Variants in LINGO2 observed in about 807,000 individuals in gnomAD.
The protein encoded by LINGO2 is leucine-rich repeat and immunoglobulin-like domain-containing nogo receptor-interacting protein 2.
LINGO2 carries 14 observed loss-of-function variants against 30.6 expected under a neutral mutation model. The observed-to-expected ratio is 0.46, with a 90% CI of 0.30 to 0.72. LINGO2 has a LOEUF of 0.72. LINGO2 is among the 30% of genes least tolerant of loss of function. The pLI is 0.07. For synonymous variants in LINGO2, 317 were observed against 288.5 expected (o/e 1.10, Z -1.00); for missense variants, 729 against 751.7 (o/e 0.97, Z 0.35).
chr9:28,430,982 A>G (rs1823646347), intron 2 of LINGO2, among the ~76,000 whole-genome samples: 1 of 148,488 alleles, frequency 6.7e-6, no homozygotes. Flanking sequence ...GGACCTCTCC[A>G]TTGAGCTTCT....
At chr9:28,097,747 A>G (rs1243399310) in intron 4 of LINGO2, among the ~76,000 whole-genome samples, 15 of 151,144 alleles carry the variant, frequency 9.9e-5, no homozygotes, top group South Asian at 2.1e-4. Context: ...ATGACGAGTT[A>G]ATGGGTGCAG....
In LINGO2 at chr9:28,224,088, G is replaced by A. The variant is rs535066429; in HGVS notation, c.-87+71120C>T. ...AGGCAGAATTTTTTTTTTCTGAGACGGAGTCTCACTCTGTAGCCCAGGCTG... is the reference window on the plus strand; with the variant it reads ...AGGCAGAATTTTTTTTTTCTGAGACAGAGTCTCACTCTGTAGCCCAGGCTG... On this transcript the variant is annotated intron_variant, in intron 4 of 5. Coordinates refer to ENST00000379992, the Ensembl canonical transcript of LINGO2. 5.9e-5 allele frequency among the ~76,000 whole-genome samples: 9 copies of A among 152,024 alleles called. No homozygotes were observed. In the East Asian group the frequency reaches 7.7e-4, roughly 13 times the overall value.
At chr9:27,975,799 T>C (rs965238953) in intron 5 of LINGO2, among the ~76,000 whole-genome samples, 1 of 152,192 alleles carries the variant, frequency 6.6e-6, no homozygotes, top group African/African-American at 2.4e-5. Flanking sequence ...AAATTCATTA[T>C]AGGTGAAATC....
At chr9:28,357,566 T>C (rs1024927739) in intron 3 of LINGO2, among the ~76,000 whole-genome samples, 5 of 152,096 alleles carry the variant, frequency 3.3e-5, no homozygotes, top group Admixed American at 1.3e-4. Flanking sequence ...ACTATAACCA[T>C]ATAGTATAAG....
At chr9:28,027,460 CA>C (rs139994617) in intron 4 of LINGO2, among the ~76,000 whole-genome samples, 8 of 151,968 alleles carry the variant, frequency 5.3e-5, no homozygotes, top group Non-Finnish European at 1.0e-4. Flanking sequence ...CACATAATCA[CA>C]AAAAAATTAT....
At position 28,561,782 on chromosome 9, in the gene LINGO2, A is replaced by ATATATAT. The variant is rs1563826654; in HGVS notation, c.-364-85758_-364-85757insATATATA. On this transcript the variant is annotated intron_variant, in intron 1 of 5. Coordinates refer to ENST00000379992, the Ensembl canonical transcript of LINGO2. Reference sequence around the variant, plus strand: ...ATATATATATATATATATATATATAAAAAATATGCTACTAGAACTGAAAAA... The same window carrying ATATATAT: ...ATATATATATATATATATATATATAATATATATAAAATATGCTACTAGAACTGAAAAA... 6.2e-4 allele frequency among the ~76,000 whole-genome samples: 46 copies of ATATATAT among 73,604 alleles called. 7 individuals carry two copies. The highest frequency in any genetic ancestry group is 7.2e-4 in the African/African-American group (10 of 13,900). 48.3% of individuals were successfully genotyped at this position (73,604 alleles called of 152,430 possible).
At chr9:28,377,412 T>A (rs182522466) in intron 2 of LINGO2, among the ~76,000 whole-genome samples, 1 of 152,328 alleles carries the variant, frequency 6.6e-6, no homozygotes, top group Admixed American at 6.5e-5. Flanking sequence ...AAATACAGCA[T>A]ACAATACATA....
intron 4 of LINGO2, among the ~76,000 whole-genome samples, chr9:28,241,010 C>T (rs56224172): frequency 0.012 from 1,869 of 152,140 alleles, 13 homozygotes; most frequent in Middle Eastern, 0.031. Context: ...GTGGCTCACG[C>T]CTGTAATTCC....
chr9:28,310,991 T>C (rs556082685), intron 3 of LINGO2, among the ~76,000 whole-genome samples: 24 of 152,116 alleles, frequency 1.6e-4, no homozygotes, highest in Non-Finnish European at 3.4e-4. Flanking sequence ...CAGCCAGATA[T>C]TGGGCGAAAT....
intron 5 of LINGO2, among the ~76,000 whole-genome samples, chr9:27,998,528 C>G (rs549973272): frequency 6.6e-6 from 1 of 152,254 alleles, no homozygotes; most frequent in Non-Finnish European, 1.5e-5. Context: ...CCTGTAATCC[C>G]ACCACTTTGG....
Position 27,948,948 on chromosome 9 carries a change from T to C in LINGO2, c.1724A>G (p.Asn575Ser), listed in dbSNP as rs776045242. Reference sequence around the variant, plus strand: ...GGGCACATACTCAAGGTCAATGCTGTTTTTGTGCTTGCCTTTCCCTCGGCT... The same window carrying C: ...GGGCACATACTCAAGGTCAATGCTGCTTTTGTGCTTGCCTTTCCCTCGGCT... Residue 575 changes from asparagine to serine, a missense_variant, in exon 6 of 6, where the codon AAC becomes AGC. Transcript: ENST00000379992. The C allele has an allele frequency of 3.5e-5, 57 of 1,613,942 alleles. No individual in the cohort carries two copies. The highest frequency in any genetic ancestry group is 4.5e-5 in the Non-Finnish European group (53 of 1,179,998).
At chr9:28,157,250 C>A (rs990516506) in intron 4 of LINGO2, among the ~76,000 whole-genome samples, 2 of 152,220 alleles carry the variant, frequency 1.3e-5, no homozygotes, top group Non-Finnish European at 2.9e-5. Flanking sequence ...TTCTTGACTT[C>A]TGTGCACCCA....
At chr9:28,940,496 C>T in the LINGO2 span, among the ~76,000 whole-genome samples, 9 of 151,792 alleles carry the variant, frequency 5.9e-5, no homozygotes, top group African/African-American at 1.9e-4. Context: ...TGACAAAGAA[C>T]TGTAATTCTA....
the LINGO2 span, among the ~76,000 whole-genome samples, chr9:28,911,326 T>C: frequency 8.4e-4 from 91 of 108,174 alleles, 1 homozygote; most frequent in South Asian, 0.021. Flanking sequence ...ATAAAACTCA[T>C]ATTGGTAAGC....
intron 4 of LINGO2, among the ~76,000 whole-genome samples, chr9:28,223,368 G>T (rs1587261881): frequency 6.6e-6 from 1 of 152,158 alleles, no homozygotes; most frequent in Non-Finnish European, 1.5e-5. Flanking sequence ...AAGGGCAAGA[G>T]AACCAAACAC....
chr9:28,484,434 G>A (rs548665803), intron 1 of LINGO2, among the ~76,000 whole-genome samples: 2 of 152,152 alleles, frequency 1.3e-5, no homozygotes, highest in African/African-American at 4.8e-5. Flanking sequence ...GTTTCATGAG[G>A]CAGCTCTTCA....
the LINGO2 span, among the ~76,000 whole-genome samples, chr9:29,191,732 G>A: frequency 1.3e-5 from 2 of 152,066 alleles, no homozygotes; most frequent in African/African-American, 4.8e-5. Context: ...TGCATGTTTC[G>A]CTATTCACTA....
chr9:28,677,152 A>G, the LINGO2 span, among the ~76,000 whole-genome samples: 2 of 152,176 alleles, frequency 1.3e-5, no homozygotes, highest in Non-Finnish European at 2.9e-5. Context: ...GTTGTGGCAC[A>G]GAGGGATTAA....
chr9:29,195,092 T>C, the LINGO2 span, among the ~76,000 whole-genome samples: 1 of 148,684 alleles, frequency 6.7e-6, no homozygotes, highest in Admixed American at 6.7e-5. Context: ...AACTTAGTCA[T>C]ATCAAAAATC....
Sources: gnomAD v4.1 joint callset for allele counts (sites outside exome capture counted in the v4.1 genomes callset) on GRCh38, gnomAD v4.1.1 for gene constraint, MANE v1.5 for transcripts, NCBI Gene and HGNC (gene_info 2026-07-23, HGNC 2026-07-21) for gene names.